ACOT13: variants seen among roughly 807,000 people sequenced by gnomAD.
ACOT13 encodes acyl-coenzyme A thioesterase 13.
Under a neutral mutation model 11.8 loss-of-function variants are expected in ACOT13, and 10 were observed. That is an observed-to-expected ratio of 0.85 (90% CI 0.53 to 1.44). The LOEUF (loss-of-function observed/expected upper bound fraction) is 1.44. ACOT13 is among the 40% of genes most tolerant of loss of function. The probability of loss-of-function intolerance (pLI) is 0.00; values close to 1 mark genes in which losing one functional copy is unlikely to be tolerated. For missense variants in ACOT13, 172 were observed against 174.1 expected, an observed-to-expected ratio of 0.99 and a Z score of 0.07; for synonymous variants, 53 against 61.0, an observed-to-expected ratio of 0.87 and a Z score of 0.61.
chr6:24,670,913 C>T (rs912829949), intron 1 of ACOT13, among the ~76,000 whole-genome samples: 1 of 152,088 alleles, frequency 6.6e-6, no homozygotes, highest in Non-Finnish European at 1.5e-5. Context: ...CCTCTATTCT[C>T]ATGTAACAAT....
chr6:24,682,887 G>A (rs1184802607), intron 1 of ACOT13, among the ~76,000 whole-genome samples: 2 of 152,216 alleles, frequency 1.3e-5, no homozygotes, highest in East Asian at 1.9e-4. Context: ...TTTGTATCCC[G>A]ATCCTTGTCC....
chr6:24,682,457 T>C (rs1434159182), intron 1 of ACOT13, among the ~76,000 whole-genome samples: 1 of 152,160 alleles, frequency 6.6e-6, no homozygotes, highest in Non-Finnish European at 1.5e-5. Flanking sequence ...GCGGTGAGTG[T>C]TATAGCTCTA....
At chr6:24,682,678 A>G (rs1923189) in intron 1 of ACOT13, among the ~76,000 whole-genome samples, 58,400 of 150,782 alleles carry the variant, frequency 0.39, 15,540 homozygotes, top group African/African-American at 0.72. Flanking sequence ...CTGCAGTGGC[A>G]GGTCTGCGGT....
At chr6:24,689,309 T>C (rs1435379419) in intron 1 of ACOT13, among the ~76,000 whole-genome samples, 1 of 152,142 alleles carries the variant, frequency 6.6e-6, no homozygotes, top group Non-Finnish European at 1.5e-5. Context: ...TTGTAGTATA[T>C]TCATAGTAGG....
intron 1 of ACOT13, chr6:24,687,478 A>T (rs1778650344): frequency 7.4e-7 from 1 of 1,346,360 alleles, no homozygotes; most frequent in Non-Finnish European, 9.6e-7. Flanking sequence ...TACCATGTGG[A>T]CTCCAACACA....
intron 1 of ACOT13, among the ~76,000 whole-genome samples, chr6:24,686,443 T>C (rs1778631272): frequency 6.6e-6 from 1 of 152,134 alleles, no homozygotes; most frequent in South Asian, 2.1e-4. Flanking sequence ...GGTGCTTGCT[T>C]CTGGTGAGGG....
intron 1 of ACOT13, among the ~76,000 whole-genome samples, chr6:24,680,146 C>G (rs558027872): frequency 2.0e-5 from 3 of 152,034 alleles, no homozygotes; most frequent in Non-Finnish European, 4.4e-5. Flanking sequence ...TACATAATTG[C>G]GAGTTGTCTC....
chr6:24,671,776 A>G (rs1450598926), intron 1 of ACOT13, among the ~76,000 whole-genome samples: 1 of 152,228 alleles, frequency 6.6e-6, no homozygotes, highest in African/African-American at 2.4e-5. Context: ...AGGCAAAGAC[A>G]CAATTGACAA....
At chr6:24,676,421 C>G (rs1444811037) in intron 1 of ACOT13, among the ~76,000 whole-genome samples, 3 of 151,952 alleles carry the variant, frequency 2.0e-5, no homozygotes, top group Non-Finnish European at 2.9e-5. Context: ...GTTTGTAGTT[C>G]TCCTTGAAGA....
chr6:24,696,253 C>T (rs1778793067), intron 1 of ACOT13, among the ~76,000 whole-genome samples: 1 of 152,152 alleles, frequency 6.6e-6, no homozygotes, highest in Non-Finnish European at 1.5e-5. Flanking sequence ...GTTTGTGAAA[C>T]TCTCAAATGT....
chr6:24,698,000 A>AT lies in ACOT13; in HGVS notation c.200dup (p.Ser68IlefsTer91). 6.2e-7 allele frequency: 1 copy of AT among 1,613,938 alleles called. No individual in the cohort carries two copies. Among genetic ancestry groups the AT allele is most frequent in the Non-Finnish European group, 8.5e-7 (1 of 1,179,944 alleles). On this transcript the variant is annotated frameshift_variant, in exon 2 of 3. Coordinates refer to ENST00000230048, the MANE Select transcript of ACOT13 (RefSeq NM_018473.4). LOFTEE classifies it high-confidence loss of function. ...TTTGACAGCCACGTTAGTAGATAACATATCAACAATGGCTCTGCTATGCAC... is the reference window on the plus strand; with the variant it reads ...TTTGACAGCCACGTTAGTAGATAACATTATCAACAATGGCTCTGCTATGCAC...
At chr6:24,686,400 G>C (rs914135033) in intron 1 of ACOT13, among the ~76,000 whole-genome samples, 2 of 152,120 alleles carry the variant, frequency 1.3e-5, no homozygotes, top group Admixed American at 6.5e-5. Context: ...GGATTATTTT[G>C]ACTCACAGTT....
intron 1 of ACOT13, among the ~76,000 whole-genome samples, chr6:24,667,649 G>T (rs183187487): frequency 4.6e-5 from 7 of 152,202 alleles, no homozygotes; most frequent in Admixed American, 4.6e-4. Context: ...CTCCAGAGAA[G>T]AGTAAGAGAA....
intron 1 of ACOT13, among the ~76,000 whole-genome samples, chr6:24,690,074 C>G (rs1401949053): frequency 1.3e-5 from 2 of 152,098 alleles, no homozygotes; most frequent in Admixed American, 6.6e-5. Flanking sequence ...CCTAGGAGTT[C>G]CAGGACTTTG....
chr6:24,686,135 C>A (rs1003241488), intron 1 of ACOT13, among the ~76,000 whole-genome samples: 9 of 151,768 alleles, frequency 5.9e-5, no homozygotes, highest in Non-Finnish European at 1.2e-4. Context: ...TACTGTGGGA[C>A]TATAAAGAAA....
rs1432498551 is a variant in ACOT13 at position 24,667,108 on chromosome 6, A to C, written c.-156A>C. 3 of 870,314 alleles carry C rather than the reference A, an allele frequency of 3.4e-6. No homozygotes were observed. The highest frequency in any genetic ancestry group is 3.5e-6 in the Non-Finnish European group (2 of 574,266). 53.9% of individuals were successfully genotyped at this position (870,314 alleles called of 1,614,324 possible). Reference sequence around the variant, plus strand: ...CAAATCGCGGACCACCGGGGCTGCCAGCTCGCCTGACTCCCGGCCTCTTGC... The same window carrying C: ...CAAATCGCGGACCACCGGGGCTGCCCGCTCGCCTGACTCCCGGCCTCTTGC... On this transcript the variant is annotated 5_prime_UTR_variant, in exon 1 of 3. Coordinates refer to ENST00000230048, the MANE Select transcript of ACOT13 (RefSeq NM_018473.4).
Position 24,701,811 on chromosome 6 carries a change from A to T in ACOT13, c.*196A>T. On this transcript the variant is annotated 3_prime_UTR_variant, in exon 3 of 3. Coordinates refer to ENST00000230048, the MANE Select transcript of ACOT13 (RefSeq NM_018473.4). ...ACTTTAAGCATCTTGTTTTCTAATCATGTGTGATAATTGGGTGAAAAATTC... is the reference window on the plus strand; with the variant it reads ...ACTTTAAGCATCTTGTTTTCTAATCTTGTGTGATAATTGGGTGAAAAATTC... 4.1e-6 allele frequency: 2 copies of T among 492,504 alleles called. No homozygotes were observed. Among genetic ancestry groups the T allele is most frequent in the Non-Finnish European group, 6.9e-6 (2 of 289,386 alleles). 30.5% of individuals were successfully genotyped at this position (492,504 alleles called of 1,614,324 possible).
chr6:24,700,323 T>A (rs1052270717), intron 2 of ACOT13, among the ~76,000 whole-genome samples: 6 of 151,044 alleles, frequency 4.0e-5, no homozygotes, highest in African/African-American at 1.5e-4. Flanking sequence ...AGGGAAATAA[T>A]AAAAACTGGC....
intron 1 of ACOT13, among the ~76,000 whole-genome samples, chr6:24,682,912 T>G (rs1463380530): frequency 6.6e-6 from 1 of 152,222 alleles, no homozygotes. Flanking sequence ...CACTGTGCTC[T>G]CAGGCAATAG....
Sources: gnomAD v4.1 joint callset for allele counts (sites outside exome capture counted in the v4.1 genomes callset) on GRCh38, gnomAD v4.1.1 for gene constraint, MANE v1.5 for transcripts, NCBI Gene and HGNC (gene_info 2026-07-23, HGNC 2026-07-21) for gene names.